The following CFAP126 variants were observed in gnomAD, a reference collection of about 807,000 sequenced individuals.
CFAP126 encodes cilia and flagella associated protein 126.
In CFAP126, 21 loss-of-function variants were observed where a neutral mutation model predicts 17.1. The observed-to-expected ratio is 1.23, with a 90% CI of 0.87 to 1.77. The LOEUF (loss-of-function observed/expected upper bound fraction) is 1.77. Ranked by LOEUF, CFAP126 falls within the 40% of genes most tolerant of loss-of-function variation. The pLI, the probability that CFAP126 is intolerant of heterozygous loss-of-function variation, is 0.00. For missense variants in CFAP126, 174 were observed against 215.4 expected, an observed-to-expected ratio of 0.81 and a Z score of 1.20; for synonymous variants, 65 against 73.5, an observed-to-expected ratio of 0.88 and a Z score of 0.59.
At chr1:161,365,221 G>C in intron 4 of CFAP126, 71 bp from the exon 5 acceptor site, 1 of 1,442,160 alleles carries the variant, frequency 6.9e-7, no homozygotes, top group East Asian at 2.3e-5. Flanking sequence ...ATGCACCTCA[G>C]GATTCTAACT....
At chr1:161,367,433 G>T (rs537144163) in intron 1 of CFAP126, 79 of 163,200 alleles carry the variant, frequency 4.8e-4, no homozygotes, top group Admixed American at 4.8e-3. Context: ...TAAGTGAAAT[G>T]TTTTCTCAAC....
chr1:161,366,673 A>G, intron 1 of CFAP126, 172 bp from the exon 2 acceptor site: 1 of 636,852 alleles, frequency 1.6e-6, no homozygotes. Context: ...GCTGTCCAGC[A>G]TGGAGCCGGG....
Position 161,364,817 on chromosome 1 carries a change from G to A in CFAP126, c.*148C>T, listed in dbSNP as rs1672668774. On this transcript the variant is annotated 3_prime_UTR_variant, in exon 5 of 5. Transcript: ENST00000367974. ...TCCCTGTTTCACAGTTCTGACTGGG[G>A]GCTCTTGTTTATTTCACTGAGTCGC... 1.3e-6 allele frequency: 1 copy of A among 768,962 alleles called. No homozygotes were observed. The highest frequency in any genetic ancestry group is 2.0e-6 in the Non-Finnish European group (1 of 492,708). The allele number at this position is 768,962 out of a possible 1,614,324, so 47.6% of individuals were successfully genotyped here.
At chr1:161,365,236 T>G in intron 4 of CFAP126, 86 bp from the exon 5 acceptor site, 4 of 1,349,184 alleles carry the variant, frequency 3.0e-6, no homozygotes, top group Non-Finnish European at 4.2e-6. Context: ...CTAACTCCCT[T>G]TCTCCCCATA....
chr1:161,365,254 C>G, intron 4 of CFAP126, 104 bp from the exon 5 acceptor site: 3 of 1,177,318 alleles, frequency 2.5e-6, no homozygotes, highest in Non-Finnish European at 3.6e-6. Flanking sequence ...ATACCATGGG[C>G]AGTAGATCAA....
rs902768292 is a variant in CFAP126 at position 161,366,628 on chromosome 1, A to G, written c.28-127T>C. ...CCAACCATGTAGGCTTTAAGTCACTATGACAAGGGTGTAATTTGTTTGGTC... is the reference window on the plus strand; with the variant it reads ...CCAACCATGTAGGCTTTAAGTCACTGTGACAAGGGTGTAATTTGTTTGGTC... On this transcript the variant is annotated intron_variant, in intron 1 of 4. Transcript: ENST00000367974. 7 of 830,882 alleles carry G rather than the reference A, an allele frequency of 8.4e-6. No homozygotes were observed. In the African/African-American group the frequency reaches 8.4e-5, roughly 10 times the overall value. The allele number at this position is 830,882 out of a possible 1,614,324, so 51.5% of individuals were successfully genotyped here.
At chr1:161,366,945 T>A (rs1672749605) in intron 1 of CFAP126, 1 of 179,034 alleles carries the variant, frequency 5.6e-6, no homozygotes, top group African/African-American at 2.4e-5. Context: ...AGCTAATTTT[T>A]AAATTTACTT....
rs181102597 is a variant in CFAP126 at position 161,365,343 on chromosome 1, G to A, written c.348+183C>T. ...GAGATTAGATCATTTTCTACTGTTG[G>A]GGGTATGATGTCCTTAGCCCATCCC... On this transcript the variant is annotated intron_variant, in intron 4 of 4. Coordinates refer to ENST00000367974, the MANE Select transcript of CFAP126 (RefSeq NM_001013625.4). The A allele has an allele frequency of 6.9e-5, 61 of 888,962 alleles. No individual in the cohort carries two copies. In the East Asian group the frequency reaches 1.5e-3, roughly 21 times the overall value. 55.1% of individuals were successfully genotyped at this position (888,962 alleles called of 1,614,324 possible). A position where few individuals can be genotyped will look rare whatever the true frequency, so the allele number is the denominator to read the frequency against.
intron 3 of CFAP126, 65 bp downstream of exon 3, chr1:161,366,133 C>T: frequency 1.6e-6 from 2 of 1,271,200 alleles, no homozygotes; most frequent in East Asian, 2.3e-5. Flanking sequence ...TGAGAGACTG[C>T]ACATCTCCCA....
chr1:161,365,136 G>C lies in CFAP126; in HGVS notation c.363C>G (p.Asp121Glu). ...PEILGKPHDP[D>E]SQKKLRKKSI... Reference sequence around the variant, plus strand: ...ACTTCTTTCTGAGTTTCTTCTGACTGTCTGGATCATGGGGCTGTCAGTGAT... The same window carrying C: ...ACTTCTTTCTGAGTTTCTTCTGACTCTCTGGATCATGGGGCTGTCAGTGAT... The change falls in exon 5 of 5, where the codon GAC becomes GAG. Residue 121 changes from aspartate (D) to glutamate (E), a missense_variant. Asp to Glu is a conservative substitution (Grantham distance 45). Transcript: ENST00000367974. The C allele has an allele frequency of 6.2e-7, 1 of 1,614,098 alleles. No homozygotes were observed. The highest frequency in any genetic ancestry group is 8.5e-7 in the Non-Finnish European group (1 of 1,179,956).
rs775804555 is a variant in CFAP126, at chr1:161,365,093, G to A, written c.406C>T (p.Gln136Ter). Reference sequence around the variant, plus strand: ...ATTATGGTTGGACTTCGTGCTTGTTGTACAGTCTTTGTGATAGACTTCTTT... The same window carrying A: ...ATTATGGTTGGACTTCGTGCTTGTTATACAGTCTTTGTGATAGACTTCTTT... The part of the protein sequence containing the change: ...LRKKSITKTV[Q>*]QARSPTIIPS... Residue 136 changes from glutamine to a stop codon, truncating the protein, a stop_gained, in exon 5 of 5, where the codon CAA becomes TAA. Transcript: ENST00000367974. LOFTEE classifies it low-confidence loss of function (END_TRUNC). 2 of 1,614,118 alleles carry A rather than the reference G, an allele frequency of 1.2e-6. No individual in the cohort carries two copies. Among genetic ancestry groups the A allele is most frequent in the Non-Finnish European group, 1.7e-6 (2 of 1,179,986 alleles).
intron 3 of CFAP126, 98 bp downstream of exon 3, chr1:161,366,100 T>C: frequency 9.3e-7 from 1 of 1,073,786 alleles, no homozygotes; most frequent in Non-Finnish European, 1.4e-6. Context: ...TAGATTAAAC[T>C]TTAATTTTCC....
rs1357520682 is a variant in CFAP126, at chr1:161,365,076, T to C, written c.423A>G (p.Pro141=). Residue 141 remains proline (P), a synonymous_variant, in exon 5 of 5, where the codon CCA becomes CCG. Coordinates refer to ENST00000367974, the MANE Select transcript of CFAP126 (RefSeq NM_001013625.4). ...CAGCTGGGGAGCTTGGAATTATGGT[T>C]GGACTTCGTGCTTGTTGTACAGTCT... is the stretch of plus-strand genomic sequence containing the variant. The part of the protein sequence containing the change: ...ITKTVQQARS[P]TIIPSSPAAN... 2 of 1,614,046 alleles carry C rather than the reference T, an allele frequency of 1.2e-6. No individual in the cohort carries two copies. The highest frequency in any genetic ancestry group is 1.7e-6 in the Non-Finnish European group (2 of 1,180,038).
At chr1:161,367,706 C>A in intron 1 of CFAP126, 136 bp downstream of exon 1, 1 of 844,838 alleles carries the variant, frequency 1.2e-6, no homozygotes. Flanking sequence ...CTCTCTATCC[C>A]TGAGGAGGTA....
At chr1:161,367,545 G>A in intron 1 of CFAP126, 1 of 357,504 alleles carries the variant, frequency 2.8e-6, no homozygotes, top group Non-Finnish European at 5.0e-6. Context: ...CTTTAATTAT[G>A]CAAGTAGCTA....
chr1:161,365,242 C>G lies in CFAP126; in HGVS notation c.349-92G>C, dbSNP rs1441021282. 9 of 1,293,204 alleles carry G rather than the reference C, an allele frequency of 7.0e-6. No individual in the cohort carries two copies. The South Asian group carries it at 8.1e-5, about 12-fold the overall frequency. The allele number at this position is 1,293,204 out of a possible 1,614,324, so 80.1% of individuals were successfully genotyped here. On this transcript the variant is annotated intron_variant, in intron 4 of 4. Coordinates refer to ENST00000367974, the MANE Select transcript of CFAP126 (RefSeq NM_001013625.4). ...CTCAGGATTCTAACTCCCTTTCTCC[C>G]CATACCATGGGCAGTAGATCAAGTT...
intron 1 of CFAP126, 51 bp from the exon 2 acceptor site, chr1:161,366,552 A>C (rs758446595): frequency 7.3e-6 from 11 of 1,515,564 alleles, no homozygotes; most frequent in Admixed American, 1.7e-5. Context: ...CCCCAAACCC[A>C]GGAAATGAAG....
At chr1:161,366,304 G>A (rs1260929341) in intron 2 of CFAP126, 26 bp from the exon 3 acceptor site, 1 of 1,594,536 alleles carries the variant, frequency 6.3e-7, no homozygotes. Context: ...GAGAGATAAA[G>A]GTTTGTGAGG....
intron 3 of CFAP126, chr1:161,365,948 C>A: frequency 1.7e-6 from 1 of 604,258 alleles, no homozygotes. Context: ...GGAGTACCCA[C>A]TGCACAAATG....
Sources: gnomAD v4.1 joint callset for allele counts on GRCh38, gnomAD v4.1.1 for gene constraint, MANE v1.5 for transcripts, NCBI Gene and HGNC (gene_info 2026-07-23, HGNC 2026-07-21) for gene names.